Variants in KAZN observed in about 807,000 individuals in gnomAD.
The protein encoded by KAZN is kazrin, periplakin interacting protein.
In KAZN, 40 loss-of-function variants were observed where a neutral mutation model predicts 87.4. The ratio of observed to expected loss-of-function variants is 0.46; its 90% confidence interval spans 0.36 to 0.60. The LOEUF (loss-of-function observed/expected upper bound fraction) is 0.60, where lower values mean the gene tolerates loss of function less well. Ranked by LOEUF, KAZN falls within the 20% of genes least tolerant of loss-of-function variation. The pLI, the probability that KAZN is intolerant of heterozygous loss-of-function variation, is 0.00. For synonymous variants in KAZN, 466 were observed against 458.3 expected (o/e 1.02, Z -0.22); for missense variants, 898 against 1,073.9 (o/e 0.84, Z 2.29).
At chr1:15,027,521 G>A (rs921179702) in intron 2 of KAZN, among the ~76,000 whole-genome samples, 5 of 152,170 alleles carry the variant, frequency 3.3e-5, no homozygotes, top group African/African-American at 4.8e-5. Context: ...GAAGAACTCC[G>A]AGAGCCTCAC....
chr1:14,534,505 C>T (rs1392461182), intron 2 of KAZN, among the ~76,000 whole-genome samples: 3 of 151,990 alleles, frequency 2.0e-5, no homozygotes, highest in African/African-American at 4.8e-5. Context: ...ATTAGCCAGG[C>T]GTGGTGGCGG....
chr1:14,123,451 A>T (rs1018912634), intron 1 of KAZN, among the ~76,000 whole-genome samples: 3 of 152,124 alleles, frequency 2.0e-5, no homozygotes, highest in African/African-American at 7.2e-5. Context: ...AGTTTTCCTC[A>T]TTGGAAATGA....
chr1:14,785,220 G>A (rs1645473584), intron 1 of KAZN, among the ~76,000 whole-genome samples: 1 of 152,094 alleles, frequency 6.6e-6, no homozygotes, highest in Admixed American at 6.5e-5. Context: ...GCCAAGCCTT[G>A]GGAAAACTGG....
chr1:14,327,774 A>G (rs1656545402), intron 2 of KAZN, among the ~76,000 whole-genome samples: 1 of 152,194 alleles, frequency 6.6e-6, no homozygotes. Context: ...TGTTCTTTGT[A>G]CAAACACTAA....
chr1:14,898,387 C>T (rs149919367), intron 1 of KAZN, among the ~76,000 whole-genome samples: 2 of 152,158 alleles, frequency 1.3e-5, no homozygotes, highest in South Asian at 2.1e-4. Flanking sequence ...GGTCCTTTCT[C>T]AGGAGTGGCT....
intron 2 of KAZN, among the ~76,000 whole-genome samples, chr1:14,514,354 T>TATATAATATATATAATTTATATATA (rs1671100103): frequency 2.7e-4 from 3 of 10,978 alleles, no homozygotes; most frequent in Admixed American, 1.1e-3. Context: ...TTATATATAT[T>TATATAATATATATAATTTATATATA]ATATATATAT....
chr1:14,196,638 T>C (rs2100386072), intron 2 of KAZN, among the ~76,000 whole-genome samples: 1 of 151,928 alleles, frequency 6.6e-6, no homozygotes, highest in Non-Finnish European at 1.5e-5. Context: ...AATCAAGAGT[T>C]TGGGTTGGGA....
chr1:13,986,985 G>T (rs10489148), intron 1 of KAZN, among the ~76,000 whole-genome samples: 24,052 of 152,124 alleles, frequency 0.16, 2,104 homozygotes, highest in African/African-American at 0.18. Flanking sequence ...ACTGCTAGAA[G>T]CCAGGAGATA....
intron 1 of KAZN, among the ~76,000 whole-genome samples, chr1:14,742,599 T>C (rs1644137793): frequency 6.6e-6 from 1 of 152,200 alleles, no homozygotes; most frequent in Non-Finnish European, 1.5e-5. Context: ...GAGGTTTCTC[T>C]CCCTGTGCTT....
At chr1:14,693,500 G>A (rs1641435903) in intron 1 of KAZN, among the ~76,000 whole-genome samples, 2 of 152,200 alleles carry the variant, frequency 1.3e-5, no homozygotes, top group Admixed American at 1.3e-4. Context: ...GTTTTACCCT[G>A]AATCTGGAAA....
At chr1:14,169,146 GAGA>G (rs1404700572) in intron 1 of KAZN, among the ~76,000 whole-genome samples, 5 of 152,104 alleles carry the variant, frequency 3.3e-5, no homozygotes, top group Non-Finnish European at 5.9e-5. Context: ...CTGGCTTAAG[GAGA>G]AGAAGGGAAT....
At chr1:14,896,278 C>T (rs1655266441) in intron 1 of KAZN, among the ~76,000 whole-genome samples, 1 of 152,170 alleles carries the variant, frequency 6.6e-6, no homozygotes. Flanking sequence ...TGGTCTCAAT[C>T]TCTTGACCTC....
At chr1:14,551,852 A>G (rs1673542113) in intron 2 of KAZN, among the ~76,000 whole-genome samples, 1 of 152,136 alleles carries the variant, frequency 6.6e-6, no homozygotes, top group African/African-American at 2.4e-5. Context: ...AAAAGAATTA[A>G]TGGCTACCTA....
intron 2 of KAZN, among the ~76,000 whole-genome samples, chr1:14,187,554 C>T (rs1332010038): frequency 6.6e-6 from 1 of 152,112 alleles, no homozygotes; most frequent in African/African-American, 2.4e-5. Context: ...GAGAGGCTCC[C>T]AGCTGAGAAG....
At chr1:14,766,164 T>C (rs562326845) in intron 1 of KAZN, among the ~76,000 whole-genome samples, 4 of 152,276 alleles carry the variant, frequency 2.6e-5, no homozygotes, top group African/African-American at 9.6e-5. Flanking sequence ...GAGCCAGTCC[T>C]GTGGGAGCTC....
rs1252245619 is a variant in KAZN at position 14,301,736 on chromosome 1, A to G, written c.249+121144A>G. Among the ~76,000 whole-genome samples, 4 of 152,186 alleles carry G rather than the reference A, an allele frequency of 2.6e-5. No homozygotes were observed. The East Asian group carries it at 7.7e-4, about 29-fold the overall frequency. ...TATAGAAGACATTTGGCAGGCATTCACGGGAGGCAGGTCCTAGCTGTGGAG... is the reference window on the plus strand; with the variant it reads ...TATAGAAGACATTTGGCAGGCATTCGCGGGAGGCAGGTCCTAGCTGTGGAG... On this transcript the variant is annotated intron_variant, in intron 2 of 16. Coordinates refer to the KAZN transcript ENST00000636203.
At chr1:14,980,588 T>C (rs896517549) in intron 2 of KAZN, among the ~76,000 whole-genome samples, 1 of 152,180 alleles carries the variant, frequency 6.6e-6, no homozygotes, top group Admixed American at 6.5e-5. Flanking sequence ...TCGACTCTGC[T>C]CCAGGCTCAT....
chr1:14,947,631 C>T (rs1011676869), intron 1 of KAZN, among the ~76,000 whole-genome samples: 5 of 152,204 alleles, frequency 3.3e-5, no homozygotes, highest in Non-Finnish European at 1.5e-5. Context: ...TCAGACCAGC[C>T]GGGGTTGGGA....
chr1:13,893,223 GC>G (rs2100815935), exon 1 of KAZN: 1 of 153,816 alleles, frequency 6.5e-6, no homozygotes, highest in Non-Finnish European at 1.4e-5. Context: ...ACGCCGCGGG[GC>G]CTGGGCAGCG....
Sources: gnomAD v4.1 joint callset for allele counts (sites outside exome capture counted in the v4.1 genomes callset) on GRCh38, gnomAD v4.1.1 for gene constraint, MANE v1.5 for transcripts, NCBI Gene and HGNC (gene_info 2026-07-23, HGNC 2026-07-21) for gene names.